INSIG1: variants seen among roughly 807,000 people sequenced by gnomAD.
INSIG1 encodes the protein insulin-induced gene 1 protein.
INSIG1 carries 14 observed loss-of-function variants against 26.5 expected under a neutral mutation model. The observed-to-expected ratio is 0.53, with a 90% CI of 0.35 to 0.83. The LOEUF (loss-of-function observed/expected upper bound fraction) is 0.83. Among genes scored for constraint, INSIG1 ranks in the 40% least tolerant of loss-of-function variants. The probability of loss-of-function intolerance (pLI) is 0.01; values close to 1 mark genes in which losing one functional copy is unlikely to be tolerated. For missense variants in INSIG1, 272 were observed against 368.9 expected, an observed-to-expected ratio of 0.74 and a Z score of 2.15; for synonymous variants, 147 against 153.3, an observed-to-expected ratio of 0.96 and a Z score of 0.30.
In INSIG1 at chr7:155,301,698, T is replaced by G. The variant is rs747720303; in HGVS notation, c.537+8T>G. ...ATTAACCACGCCAGTGCTGTATCCTTAATTTTCTGTGCTACGTCCAGAGTA... is the reference window on the plus strand; with the variant it reads ...ATTAACCACGCCAGTGCTGTATCCTGAATTTTCTGTGCTACGTCCAGAGTA... On this transcript the variant is annotated splice_region_variant and intron_variant, in intron 3 of 5. Transcript: ENST00000340368. 2 of 1,548,998 alleles carry G rather than the reference T, an allele frequency of 1.3e-6. No individual in the cohort carries two copies. Among genetic ancestry groups the G allele is most frequent in the African/African-American group, 1.4e-5 (1 of 73,902 alleles).
chr7:155,309,842 G>A lies in INSIG1; in HGVS notation c.*1572G>A, dbSNP rs1798037481. 1 of 152,408 alleles carries A rather than the reference G, an allele frequency of 6.6e-6. No individual in the cohort carries two copies. Among genetic ancestry groups the A allele is most frequent in the Admixed American group, 6.6e-5 (1 of 15,266 alleles). 9.4% of individuals were successfully genotyped at this position (152,408 alleles called of 1,614,324 possible). A position where few individuals can be genotyped will look rare whatever the true frequency, so the allele number is the denominator to read the frequency against. On this transcript the variant is annotated 3_prime_UTR_variant, in exon 6 of 6. Coordinates refer to ENST00000340368, the MANE Select transcript of INSIG1 (RefSeq NM_005542.6). ...GGAATGACCCCCTTATATATTTTCT[G>A]AAAATGAAAACAGTTACATGAAAAA...
intron 2 of INSIG1, among the ~76,000 whole-genome samples, chr7:155,300,229 G>C (rs80094217): frequency 0.02 from 3,101 of 151,498 alleles, 108 homozygotes; most frequent in African/African-American, 0.072. Flanking sequence ...GATCCTCAAG[G>C]GTTTCTAGGA....
intron 5 of INSIG1, among the ~76,000 whole-genome samples, chr7:155,304,157 T>G (rs992749318): frequency 3.3e-5 from 5 of 152,126 alleles, no homozygotes; most frequent in Non-Finnish European, 7.4e-5. Context: ...GGAGATGTTA[T>G]CTCCCTGCCT....
chr7:155,301,827 A>T (rs1435917973), intron 3 of INSIG1, 137 bp downstream of exon 3: 3 of 746,626 alleles, frequency 4.0e-6, no homozygotes, highest in Non-Finnish European at 5.7e-6. Flanking sequence ...TCAGATTACT[A>T]AAAAGAGAAA....
chr7:155,298,642 C>G lies in INSIG1; in HGVS notation c.357C>G (p.Ile119Met), dbSNP rs760447154. The G allele has an allele frequency of 6.2e-6, 10 of 1,613,100 alleles. 1 individual carries two copies. The highest frequency in any genetic ancestry group is 3.3e-5 in the Admixed American group (2 of 59,990). ...RNVTLFPEEV[I>M]ATIFSSAWWV... ...TCACTCTCTTCCCCGAGGAGGTGAT[C>G]GCCACCATCTTTTCCTCCGCCTGGT... The change falls in exon 2 of 6, where the codon ATC becomes ATG. Residue 119 changes from isoleucine to methionine, a missense_variant. Transcript: ENST00000340368.
chr7:155,302,637 C>A lies in INSIG1; in HGVS notation c.705-110C>A. ...ACCAAACAAATATGAACATTCGTAA[C>A]ATTGGATGGTTGATATGCGTTCTGC... On this transcript the variant is annotated intron_variant, in intron 4 of 5. Coordinates refer to ENST00000340368, the MANE Select transcript of INSIG1 (RefSeq NM_005542.6). This position sits in a 1 kb window ranked among gnomAD's most constrained non-coding sequence, Gnocchi z 4.3. The A allele has an allele frequency of 1.1e-6, 1 of 913,830 alleles. No individual in the cohort carries two copies. The highest frequency in any genetic ancestry group is 1.7e-6 in the Non-Finnish European group (1 of 576,526). The allele number at this position is 913,830 out of a possible 1,614,324, so 56.6% of individuals were successfully genotyped here. A position where few individuals can be genotyped will look rare whatever the true frequency, so the allele number is the denominator to read the frequency against.
rs2150901796 is a variant in INSIG1, at chr7:155,306,460, T to G, written c.805-1781T>G. ...CACTGCCCGGCCCCACTGGGCCACCTGGAGGCAGAGTCCCGCCCACCTCAG... is the reference window on the plus strand; with the variant it reads ...CACTGCCCGGCCCCACTGGGCCACCGGGAGGCAGAGTCCCGCCCACCTCAG... On this transcript the variant is annotated intron_variant, in intron 5 of 5. Coordinates refer to ENST00000340368, the MANE Select transcript of INSIG1 (RefSeq NM_005542.6). 1.3e-5 allele frequency among the ~76,000 whole-genome samples: 2 copies of G among 152,350 alleles called. 1 individual carries two copies. The highest frequency in any genetic ancestry group is 4.1e-4 in the South Asian group (2 of 4,832).
At position 155,298,471 on chromosome 7, in the gene INSIG1, C is replaced by T. The variant is rs1401772918; in HGVS notation, c.186C>T (p.Gly62=). ...GAPDADPAPR[G]RSAAMSGPEP... is the part of the protein sequence containing the mutation. ...CGGACGCTGACCCCGCGCCCAGGGGCCGCAGTGCTGCGATGAGCGGCCCCG... is the reference window on the plus strand; with the variant it reads ...CGGACGCTGACCCCGCGCCCAGGGGTCGCAGTGCTGCGATGAGCGGCCCCG... The change falls in exon 2 of 6, where the codon GGC becomes GGT. Residue 62 remains glycine (G), a synonymous_variant. Coordinates refer to ENST00000340368, the MANE Select transcript of INSIG1 (RefSeq NM_005542.6). 3 of 1,560,616 alleles carry T rather than the reference C, an allele frequency of 1.9e-6. No individual in the cohort carries two copies. Among genetic ancestry groups the T allele is most frequent in the East Asian group, 4.8e-5 (2 of 41,882 alleles).
In INSIG1 at chr7:155,308,476, G is replaced by A. The variant is rs183081599; in HGVS notation, c.*206G>A. The A allele has an allele frequency of 1.8e-5, 12 of 649,052 alleles. No individual in the cohort carries two copies. The highest frequency in any genetic ancestry group is 5.4e-5 in the African/African-American group (3 of 55,958). 40.2% of individuals were successfully genotyped at this position (649,052 alleles called of 1,614,324 possible). On this transcript the variant is annotated 3_prime_UTR_variant, in exon 6 of 6. Coordinates refer to ENST00000340368, the MANE Select transcript of INSIG1 (RefSeq NM_005542.6). Reference sequence around the variant, plus strand: ...CCCTGAAGTCTTCCCTTGACTGCCCGCACTGGCGCCTGTCTGTGCCCTGGA... The same window carrying A: ...CCCTGAAGTCTTCCCTTGACTGCCCACACTGGCGCCTGTCTGTGCCCTGGA...
intron 1 of INSIG1, 89 bp downstream of exon 1, chr7:155,298,048 T>G: frequency 2.1e-5 from 8 of 372,302 alleles, no homozygotes; most frequent in Non-Finnish European, 2.8e-5. Flanking sequence ...GCGGGCCCTG[T>G]TGGGTCTTTG....
chr7:155,298,197 C>T, intron 1 of INSIG1, 62 bp from the exon 2 acceptor site: 2 of 1,305,944 alleles, frequency 1.5e-6, no homozygotes, highest in Non-Finnish European at 2.0e-6. Flanking sequence ...GGGTTCGCGT[C>T]CCGCGGGGCC....
At position 155,308,397 on chromosome 7, in the gene INSIG1, C is replaced by A; in HGVS notation, c.*127C>A. Reference sequence around the variant, plus strand: ...ATCGGGCTGACTGTACAAATGACTCCTGGAAAAAACTCTTCACCTAGTCTA... The same window carrying A: ...ATCGGGCTGACTGTACAAATGACTCATGGAAAAAACTCTTCACCTAGTCTA... On this transcript the variant is annotated 3_prime_UTR_variant, in exon 6 of 6. Coordinates refer to ENST00000340368, the MANE Select transcript of INSIG1 (RefSeq NM_005542.6). The A allele has an allele frequency of 9.0e-7, 1 of 1,110,754 alleles. No individual in the cohort carries two copies. Among genetic ancestry groups the A allele is most frequent in the Non-Finnish European group, 1.4e-6 (1 of 728,010 alleles). 68.8% of individuals were successfully genotyped at this position (1,110,754 alleles called of 1,614,324 possible).
intron 1 of INSIG1, 58 bp downstream of exon 1, chr7:155,298,017 C>T (rs1797665679): frequency 8.9e-6 from 3 of 337,670 alleles, no homozygotes; most frequent in Admixed American, 4.9e-5. Context: ...AGCAGCCGGT[C>T]CTCCCCGGAG....
At chr7:155,304,981 C>CAA (rs764489772) in intron 5 of INSIG1, among the ~76,000 whole-genome samples, 58,676 of 129,526 alleles carry the variant, frequency 0.45, 13,404 homozygotes, top group African/African-American at 0.56. Flanking sequence ...ACTAAAAATA[C>CAA]AAAAAAAAAA....
Position 155,308,440 on chromosome 7 carries a change from A to T in INSIG1, c.*170A>T, listed in dbSNP as rs1797996267. 1 of 788,048 alleles carries T rather than the reference A, an allele frequency of 1.3e-6. No homozygotes were observed. Among genetic ancestry groups the T allele is most frequent in the African/African-American group, 1.7e-5 (1 of 58,634 alleles). The allele number at this position is 788,048 out of a possible 1,614,324, so 48.8% of individuals were successfully genotyped here. On this transcript the variant is annotated 3_prime_UTR_variant, in exon 6 of 6. Transcript: ENST00000340368. The stretch of plus-strand genomic sequence containing the variant: ...CTAGTCTAGAATAGGGAGGTGGAGA[A>T]TGATGACTTACCCTGAAGTCTTCCC...
rs1798044596 is a variant in INSIG1 at position 155,310,074 on chromosome 7, A to T, written c.*1804A>T. 1 of 152,812 alleles carries T rather than the reference A, an allele frequency of 6.5e-6. No homozygotes were observed. Among genetic ancestry groups the T allele is most frequent in the East Asian group, 1.9e-4 (1 of 5,192 alleles). The allele number at this position is 152,812 out of a possible 1,614,324, so 9.5% of individuals were successfully genotyped here. On this transcript the variant is annotated 3_prime_UTR_variant, in exon 6 of 6. Transcript: ENST00000340368. ...TTTGCCAATAGTTTATAGAAAATATATGAACCAAAGTGATTTGAGTTTGTA... is the reference window on the plus strand; with the variant it reads ...TTTGCCAATAGTTTATAGAAAATATTTGAACCAAAGTGATTTGAGTTTGTA...
At chr7:155,304,341 TA>T (rs1170374016) in intron 5 of INSIG1, among the ~76,000 whole-genome samples, 1 of 152,234 alleles carries the variant, frequency 6.6e-6, no homozygotes, top group African/African-American at 2.4e-5. Flanking sequence ...TCATCCCCGT[TA>T]ATAGTCTTCA....
chr7:155,304,236 T>C (rs1377259692), intron 5 of INSIG1, among the ~76,000 whole-genome samples: 2 of 152,210 alleles, frequency 1.3e-5, no homozygotes, highest in African/African-American at 4.8e-5. Context: ...AGCACTGGGA[T>C]TATAGGCGTG....
intron 2 of INSIG1, among the ~76,000 whole-genome samples, chr7:155,300,614 T>C (rs1287299155): frequency 2.0e-5 from 3 of 152,158 alleles, no homozygotes; most frequent in Non-Finnish European, 4.4e-5. Context: ...CACTCCCCCC[T>C]ACAGACATTC....
Sources: allele counts gnomAD v4.1 joint callset (sites outside exome capture counted in the v4.1 genomes callset), GRCh38; gene constraint gnomAD v4.1.1; non-coding constraint Gnocchi (gnomAD v3.1); transcripts MANE v1.5; gene names NCBI Gene and HGNC (gene_info 2026-07-23, HGNC 2026-07-21).